Variants in DSN1 observed in about 807,000 individuals in gnomAD.
The protein encoded by DSN1 is kinetochore-associated protein DSN1 homolog.
A neutral mutation model predicts 45.7 loss-of-function variants in DSN1; 31 were observed. That is an observed-to-expected ratio of 0.68 (90% CI 0.51 to 0.92). DSN1 has a LOEUF of 0.92. Among genes scored for constraint, DSN1 ranks in the 40% least tolerant of loss-of-function variants. The pLI is 0.00. For synonymous variants in DSN1, 134 were observed against 142.3 expected (o/e 0.94, Z 0.41); for missense variants, 394 against 414.2 (o/e 0.95, Z 0.42).
At chr20:36,771,846 C>T (rs1362566958) in intron 1 of DSN1, among the ~76,000 whole-genome samples, 1 of 152,200 alleles carries the variant, frequency 6.6e-6, no homozygotes, top group African/African-American at 2.4e-5. Context: ...GTTTTATAAA[C>T]AGTCTCTAAA....
In DSN1 at chr20:36,751,906, G is replaced by C. The variant is rs1026185497; in HGVS notation, c.*882C>G. The C allele has an allele frequency of 1.3e-5, 2 of 152,056 alleles. No individual in the cohort carries two copies. Among genetic ancestry groups the C allele is most frequent in the African/African-American group, 4.8e-5 (2 of 41,354 alleles). 9.4% of individuals were successfully genotyped at this position (152,056 alleles called of 1,614,324 possible). On this transcript the variant is annotated 3_prime_UTR_variant, in exon 11 of 11. Transcript: ENST00000373750. Reference sequence around the variant, plus strand: ...TTTCTTGTCATGAATCCAGGATTTAGGTCAACTCAATATGAAAAACTGAAG... The same window carrying C: ...TTTCTTGTCATGAATCCAGGATTTACGTCAACTCAATATGAAAAACTGAAG...
In DSN1 at chr20:36,758,112, G is replaced by C; in HGVS notation, c.700C>G (p.Gln234Glu). ...TWDQLLLHYQ[Q>E]EAKEILSRGS... ...CTGGACAATATCTCTTTAGCCTCCT[G>C]CTGGTAGTGAAGCAAGAGCTGATCC... Residue 234 changes from glutamine (Q) to glutamate (E), a missense_variant, in exon 8 of 11, where the codon CAG (glutamine) becomes GAG (glutamate). By Grantham distance (29) the Gln-to-Glu change is conservative. Coordinates refer to ENST00000373750, the MANE Select transcript of DSN1 (RefSeq NM_001145315.2). The C allele has an allele frequency of 6.2e-7, 1 of 1,614,052 alleles. No homozygotes were observed.
Position 36,752,723 on chromosome 20 carries a change from A to G in DSN1, c.*65T>C, listed in dbSNP as rs1302054960. On this transcript the variant is annotated 3_prime_UTR_variant, in exon 11 of 11. Transcript: ENST00000373750. ...AACGAGCAGAAATCACGCAGTCACC[A>G]CGTGCTGGGGCACTCTTCCCATTCC... 7.5e-7 allele frequency: 1 copy of G among 1,330,230 alleles called. No homozygotes were observed. Among genetic ancestry groups the G allele is most frequent in the South Asian group, 1.2e-5 (1 of 84,458 alleles). 82.4% of individuals were successfully genotyped at this position (1,330,230 alleles called of 1,614,324 possible).
chr20:36,762,518 A>G lies in DSN1; in HGVS notation c.533T>C (p.Phe178Ser). Reference sequence around the variant, plus strand: ...TCCATCAGTTTCCAGTCCGTCTGCAAAATGTTTCAATTCTTCAGAAAGAGA... The same window carrying G: ...TCCATCAGTTTCCAGTCCGTCTGCAGAATGTTTCAATTCTTCAGAAAGAGA... The part of the protein sequence containing the change: ...ASSLSEELKH[F>S]ADGLETDGTL... The change falls in exon 6 of 11, where the codon TTT (phenylalanine) becomes TCT (serine). Residue 178 changes from phenylalanine to serine, a missense_variant. By Grantham distance (155) the Phe-to-Ser change is radical. Coordinates refer to ENST00000373750, the MANE Select transcript of DSN1 (RefSeq NM_001145315.2). 6.2e-7 allele frequency: 1 copy of G among 1,613,876 alleles called. No homozygotes were observed. Among genetic ancestry groups the G allele is most frequent in the Non-Finnish European group, 8.5e-7 (1 of 1,179,902 alleles).
At chr20:36,753,048 A>G in intron 10 of DSN1, 151 bp from the exon 11 acceptor site, 1 of 661,638 alleles carries the variant, frequency 1.5e-6, no homozygotes, top group East Asian at 2.8e-5. Flanking sequence ...CAATTTGGTA[A>G]GAATGCCAGC....
chr20:36,755,832 AAAAAC>A lies in DSN1; in HGVS notation c.726-8_726-4del. ...TAATTTTGGCCTCAGTTGATCCTCT[AAAAAC>A]AAAACACAAGAGCTTTTGAGAGATT... On this transcript the variant is annotated splice_polypyrimidine_tract_variant and splice_region_variant and intron_variant, in intron 8 of 10. Transcript: ENST00000373750. The A allele has an allele frequency of 1.2e-6, 2 of 1,605,240 alleles. No homozygotes were observed. The highest frequency in any genetic ancestry group is 1.8e-5 in the Admixed American group (1 of 56,812).
intron 6 of DSN1, among the ~76,000 whole-genome samples, chr20:36,759,461 C>G (rs963165182): frequency 1.3e-5 from 2 of 151,954 alleles, no homozygotes; most frequent in Admixed American, 6.6e-5. Context: ...ATGTTGGACT[C>G]TATTTCACTT....
At position 36,754,778 on chromosome 20, in the gene DSN1, C is replaced by T; in HGVS notation, c.946G>A (p.Val316Met). ...ACAAGCTTACCGAGCTGTACTGACA[C>T]CTTCTGGAAGCACTGGGTACTTTCA... The part of the protein sequence containing the change: ...MDESTQCFQK[V>M]SVQLGKRSMQ... The change falls in exon 10 of 11, where the codon GTG (valine) becomes ATG (methionine). Residue 316 changes from valine to methionine, a missense_variant. Physicochemically the swap from Val to Met is conservative, Grantham distance 21. Coordinates refer to ENST00000373750, the MANE Select transcript of DSN1 (RefSeq NM_001145315.2). The T allele has an allele frequency of 6.2e-7, 1 of 1,613,896 alleles. No homozygotes were observed. The highest frequency in any genetic ancestry group is 8.5e-7 in the Non-Finnish European group (1 of 1,179,846).
At position 36,762,501 on chromosome 20, in the gene DSN1, T is replaced by C. The variant is rs759616634; in HGVS notation, c.550A>G (p.Thr184Ala). Reference sequence around the variant, plus strand: ...AAACATTTTTGTAGAGTTCCATCAGTTTCCAGTCCGTCTGCAAAATGTTTC... The same window carrying C: ...AAACATTTTTGTAGAGTTCCATCAGCTTCCAGTCCGTCTGCAAAATGTTTC... ...ELKHFADGLE[T>A]DGTLQKCFED... The change falls in exon 6 of 11, where the codon ACT becomes GCT. Residue 184 changes from threonine to alanine, a missense_variant. Physicochemically the swap from Thr to Ala is moderately conservative, Grantham distance 58. Transcript: ENST00000373750. The C allele has an allele frequency of 1.2e-6, 2 of 1,613,770 alleles. No individual in the cohort carries two copies. Among genetic ancestry groups the C allele is most frequent in the African/African-American group, 2.7e-5 (2 of 74,910 alleles).
intron 8 of DSN1, among the ~76,000 whole-genome samples, chr20:36,756,974 G>A (rs1216414085): frequency 6.6e-6 from 1 of 152,184 alleles, no homozygotes. Flanking sequence ...TTAGGGTTTT[G>A]ACTAACATTT....
intron 3 of DSN1, among the ~76,000 whole-genome samples, chr20:36,769,562 C>T (rs1987523808): frequency 6.6e-6 from 1 of 152,146 alleles, no homozygotes; most frequent in South Asian, 2.1e-4. Flanking sequence ...CCTATCTTTA[C>T]CCAGATTTCC....
At chr20:36,765,607 G>A (rs187890565) in intron 5 of DSN1, among the ~76,000 whole-genome samples, 2 of 151,672 alleles carry the variant, frequency 1.3e-5, no homozygotes, top group East Asian at 1.9e-4. Context: ...TCAGGAGATC[G>A]AGACCATGGT....
intron 6 of DSN1, among the ~76,000 whole-genome samples, chr20:36,761,852 CA>C (rs1367489866): frequency 6.7e-6 from 1 of 150,102 alleles, no homozygotes; most frequent in Non-Finnish European, 1.5e-5. Flanking sequence ...ACTAAAAATA[CA>C]AAAAAATTAG....
chr20:36,754,834 C>G lies in DSN1; in HGVS notation c.890G>C (p.Gly297Ala), dbSNP rs1368704081. 6.2e-7 allele frequency: 1 copy of G among 1,613,820 alleles called. No homozygotes were observed. The highest frequency in any genetic ancestry group is 2.2e-5 in the East Asian group (1 of 44,876). ...AAAGGCCTGCAGCTGTTTCACTGAT[C>G]CTTGCAGTTCATCCATCTGTAGAAA... ...CMELVMDELQGSVKQLQAFMD... is the reference protein window; with the variant it reads ...CMELVMDELQASVKQLQAFMD... Residue 297 changes from glycine (G) to alanine (A), a missense_variant, in exon 10 of 11, where the codon GGA (glycine) becomes GCA (alanine). Transcript: ENST00000373750.
rs774639228 is a variant in DSN1, at chr20:36,754,848, C to A, written c.876G>T (p.Met292Ile). 3 of 1,613,638 alleles carry A rather than the reference C, an allele frequency of 1.9e-6. No individual in the cohort carries two copies. Among genetic ancestry groups the A allele is most frequent in the South Asian group, 2.2e-5 (2 of 91,042 alleles). ...GTTTCACTGATCCTTGCAGTTCATC[C>A]ATCTGTAGAAAAAAGACAGCTGTGA... ...SKVFDCMELV[M>I]DELQGSVKQL... Residue 292 changes from methionine to isoleucine, a missense_variant and splice_region_variant, in exon 10 of 11, where the codon ATG becomes ATT. Transcript: ENST00000373750.
rs75721251 is a variant in DSN1 at position 36,759,880 on chromosome 20, A to G, written c.591-1263T>C. Among the ~76,000 whole-genome samples the G allele has an allele frequency of 2.7e-3, 409 of 152,144 alleles. 11 individuals carry two copies. The East Asian group carries it at 0.072, about 27-fold the overall frequency. ...TATTCTGTTTCTCTTATCAATTCCAATTCACATCATGGCCAGATTAACCTT... is the reference window on the plus strand; with the variant it reads ...TATTCTGTTTCTCTTATCAATTCCAGTTCACATCATGGCCAGATTAACCTT... On this transcript the variant is annotated intron_variant, in intron 6 of 10. Transcript: ENST00000373750.
intron 10 of DSN1, among the ~76,000 whole-genome samples, chr20:36,753,210 G>C (rs969942611): frequency 2.6e-5 from 4 of 151,600 alleles, no homozygotes; most frequent in Non-Finnish European, 5.9e-5. Flanking sequence ...AGCCTAGCAT[G>C]GTCCTAGCAC....
At position 36,762,474 on chromosome 20, in the gene DSN1, C is replaced by T. The variant is rs769721648; in HGVS notation, c.577G>A (p.Glu193Lys). 27 of 1,613,248 alleles carry T rather than the reference C, an allele frequency of 1.7e-5. No homozygotes were observed. In the Admixed American group the frequency reaches 4.5e-4, roughly 27 times the overall value. ...AACTGCTCTTACCCATTTGAATCTT[C>T]AAAACATTTTTGTAGAGTTCCATCA... ...ETDGTLQKCFEDSNGKASDFS... is the reference protein window; with the variant it reads ...ETDGTLQKCFKDSNGKASDFS... The change falls in exon 6 of 11, where the codon GAA (glutamate) becomes AAA (lysine). Residue 193 changes from glutamate (E) to lysine (K), a missense_variant. Glu to Lys is a moderately conservative substitution (Grantham distance 56). Transcript: ENST00000373750.
At chr20:36,773,354 CA>C in intron 1 of DSN1, 2 of 984,286 alleles carry the variant, frequency 2.0e-6, no homozygotes, top group South Asian at 9.4e-5. Context: ...CCTGGGGGCA[CA>C]GGGGCAATTC....
Sources: gnomAD v4.1 joint callset for allele counts (sites outside exome capture counted in the v4.1 genomes callset) on GRCh38, gnomAD v4.1.1 for gene constraint, MANE v1.5 for transcripts, NCBI Gene and HGNC (gene_info 2026-07-23, HGNC 2026-07-21) for gene names.